FKBP3: variants seen among roughly 807,000 people sequenced by gnomAD.
The protein encoded by FKBP3 is FKBP prolyl isomerase 3, also known as peptidyl-prolyl cis-trans isomerase FKBP3.
Under a neutral mutation model 30.6 loss-of-function variants are expected in FKBP3, and 21 were observed. The observed-to-expected ratio is 0.69, with a 90% CI of 0.49 to 0.99. The LOEUF (loss-of-function observed/expected upper bound fraction) is 0.99. Among genes scored for constraint, FKBP3 ranks in the 50% least tolerant of loss-of-function variants. The pLI is 0.00. For missense variants in FKBP3, 283 were observed against 261.6 expected (o/e 1.08, Z -0.56); for synonymous variants, 82 against 91.3 (o/e 0.90, Z 0.58).
At position 45,130,965 on chromosome 14, in the gene FKBP3, GA is replaced by G. The variant is rs1885200841; in HGVS notation, c.109-166del. 8 of 482,102 alleles carry G rather than the reference GA, an allele frequency of 1.7e-5. No individual in the cohort carries two copies. In the South Asian group the frequency reaches 2.4e-4, roughly 15 times the overall value. 29.9% of individuals were successfully genotyped at this position (482,102 alleles called of 1,614,324 possible). The stretch of plus-strand genomic sequence containing the variant: ...ACTCTTTGTTACAAAAAAAGTAAGA[GA>G]TTTTTTAAAAATTCGGTATTTACAA... On this transcript the variant is annotated intron_variant, in intron 1 of 6. Transcript: ENST00000396062.
chr14:45,126,733 G>C (rs2139084237), intron 3 of FKBP3, among the ~76,000 whole-genome samples: 1 of 152,240 alleles, frequency 6.6e-6, no homozygotes, highest in East Asian at 1.9e-4. Context: ...TGTAGTCCCA[G>C]TTATTCTGAG....
At chr14:45,118,176 G>T in intron 5 of FKBP3, 51 bp from the exon 6 acceptor site, 1 of 1,041,022 alleles carries the variant, frequency 9.6e-7, no homozygotes, top group Non-Finnish European at 1.5e-6. Context: ...AAAAGCACAT[G>T]CAATACCAGG....
At chr14:45,117,621 C>G (rs1377232003) in intron 6 of FKBP3, among the ~76,000 whole-genome samples, 2 of 152,158 alleles carry the variant, frequency 1.3e-5, no homozygotes, top group Non-Finnish European at 2.9e-5. Flanking sequence ...TATTCCATTT[C>G]TAAGCTTTGA....
chr14:45,117,910 T>C (rs998522148), intron 6 of FKBP3, 118 bp downstream of exon 6: 3 of 705,240 alleles, frequency 4.3e-6, no homozygotes, highest in African/African-American at 3.7e-5. Flanking sequence ...TCAGGAAGAC[T>C]AGTCTGGACA....
intron 3 of FKBP3, among the ~76,000 whole-genome samples, chr14:45,127,952 C>T (rs1307677119): frequency 3.3e-5 from 5 of 152,202 alleles, no homozygotes; most frequent in Admixed American, 6.5e-5. Flanking sequence ...GAAAAAGGGA[C>T]GCAAAGATTC....
rs1469890418 is a variant in FKBP3, at chr14:45,134,331, C to T, written c.108+18G>A. On this transcript the variant is annotated intron_variant, in intron 1 of 6. Transcript: ENST00000396062. ...TCCCTCAGCCGCACCAGCCCGGCCGCCCCTACGCCTCTGGTACCGAATCTG... is the reference window on the plus strand; with the variant it reads ...TCCCTCAGCCGCACCAGCCCGGCCGTCCCTACGCCTCTGGTACCGAATCTG... 2.5e-6 allele frequency: 4 copies of T among 1,592,862 alleles called. No individual in the cohort carries two copies. Among genetic ancestry groups the T allele is most frequent in the East Asian group, 2.2e-5 (1 of 44,698 alleles).
chr14:45,128,728 G>A (rs1885153068), intron 3 of FKBP3, among the ~76,000 whole-genome samples: 1 of 152,174 alleles, frequency 6.6e-6, no homozygotes, highest in Non-Finnish European at 1.5e-5. Context: ...TAGAGTTTAG[G>A]ACCCTCATAA....
intron 6 of FKBP3, 91 bp from the exon 7 acceptor site, chr14:45,116,343 C>T: frequency 3.5e-6 from 3 of 857,712 alleles, no homozygotes; most frequent in Non-Finnish European, 5.9e-6. Flanking sequence ...GATAGGCTCA[C>T]TAGATAAATT....
At chr14:45,131,447 C>T (rs560460614) in intron 1 of FKBP3, among the ~76,000 whole-genome samples, 3 of 151,840 alleles carry the variant, frequency 2.0e-5, no homozygotes, top group Admixed American at 6.6e-5. Flanking sequence ...GCCTGGCCAA[C>T]GTGACAAAAC....
intron 3 of FKBP3, among the ~76,000 whole-genome samples, chr14:45,126,936 C>T (rs911775826): frequency 3.9e-5 from 6 of 151,964 alleles, no homozygotes; most frequent in African/African-American, 1.5e-4. Flanking sequence ...CTGCCTCAGT[C>T]TCCCATGTGG....
intron 1 of FKBP3, among the ~76,000 whole-genome samples, chr14:45,133,848 CTT>C (rs1367370069): frequency 6.6e-6 from 1 of 152,184 alleles, no homozygotes; most frequent in African/African-American, 2.4e-5. Context: ...TAAATCAAAA[CTT>C]AAACCACAAC....
intron 1 of FKBP3, 44 bp from the exon 2 acceptor site, chr14:45,130,844 T>A: frequency 8.8e-7 from 1 of 1,139,092 alleles, no homozygotes; most frequent in Non-Finnish European, 1.3e-6. Flanking sequence ...TTCTCCCGAG[T>A]AAGAAGTGTC....
chr14:45,126,862 C>CTGGA (rs1346385864), intron 3 of FKBP3, among the ~76,000 whole-genome samples: 2 of 151,986 alleles, frequency 1.3e-5, no homozygotes, highest in Non-Finnish European at 2.9e-5. Context: ...ATTGCCCAGG[C>CTGGA]TGGAGTGCAG....
intron 3 of FKBP3, among the ~76,000 whole-genome samples, chr14:45,122,140 A>AT (rs1884998535): frequency 6.6e-6 from 1 of 152,228 alleles, no homozygotes. Context: ...AGAAATTGCT[A>AT]TAACAGGCAT....
At chr14:45,118,302 C>G (rs981284254) in intron 5 of FKBP3, among the ~76,000 whole-genome samples, 177 bp from the exon 6 acceptor site, 2 of 151,598 alleles carry the variant, frequency 1.3e-5, no homozygotes, top group South Asian at 4.2e-4. Flanking sequence ...TCCATTTCTT[C>G]AATAGAAAAA....
chr14:45,127,259 G>A (rs896996739), intron 3 of FKBP3, among the ~76,000 whole-genome samples: 1 of 151,624 alleles, frequency 6.6e-6, no homozygotes, highest in Admixed American at 6.6e-5. Context: ...GATTACAGGT[G>A]TGCACCACCA....
intron 6 of FKBP3, among the ~76,000 whole-genome samples, chr14:45,116,924 TGA>T (rs1313105007): frequency 6.6e-6 from 1 of 151,974 alleles, no homozygotes; most frequent in African/African-American, 2.4e-5. Flanking sequence ...AGATTGGTCT[TGA>T]GATGCTTCTT....
At position 45,134,385 on chromosome 14, in the gene FKBP3, G is replaced by A. The variant is rs1372538572; in HGVS notation, c.72C>T (p.Asp24=). 2 of 1,613,794 alleles carry A rather than the reference G, an allele frequency of 1.2e-6. No homozygotes were observed. The highest frequency in any genetic ancestry group is 1.7e-5 in the Admixed American group (1 of 59,982). The change falls in exon 1 of 7, where the codon GAC becomes GAT. Residue 24 remains aspartate (D), a synonymous_variant. Coordinates refer to ENST00000396062, the MANE Select transcript of FKBP3 (RefSeq NM_002013.4). ...QLRSEQLPKK[D]IIKFLQEHGS... ...CGTGTTCCTGCAGAAACTTGATAAT[G>A]TCCTTCTTGGGCAGCTGCTCACTGC...
At chr14:45,121,687 A>G in intron 3 of FKBP3, 67 bp from the exon 4 acceptor site, 2 of 1,539,892 alleles carry the variant, frequency 1.3e-6, no homozygotes, top group Admixed American at 3.7e-5. Context: ...AATGACAAAC[A>G]ATAGCCAACA....
Sources: allele counts gnomAD v4.1 joint callset (sites outside exome capture counted in the v4.1 genomes callset), GRCh38; gene constraint gnomAD v4.1.1; transcripts MANE v1.5; gene names NCBI Gene and HGNC (gene_info 2026-07-23, HGNC 2026-07-21).